The following TPPP variants were observed in gnomAD, a reference collection of about 807,000 sequenced individuals.
The protein encoded by TPPP is tubulin polymerization-promoting protein.
Under a neutral mutation model 15.5 loss-of-function variants are expected in TPPP, and 6 were observed. The ratio of observed to expected loss-of-function variants is 0.39; its 90% CI spans 0.21 to 0.77. The LOEUF (loss-of-function observed/expected upper bound fraction) is 0.77. TPPP is among the 30% of genes least tolerant of loss of function. The probability of loss-of-function intolerance (pLI) is 0.42; values close to 1 mark genes in which losing one functional copy is unlikely to be tolerated. For synonymous variants in TPPP, 146 were observed against 133.9 expected (o/e 1.09, Z -0.63); for missense variants, 269 against 307.2 (o/e 0.88, Z 0.93).
chr5:660,123 G>A lies in TPPP; in HGVS notation c.*4979C>T, dbSNP rs1246319830. 6.6e-6 allele frequency: 1 copy of A among 152,102 alleles called. No individual in the cohort carries two copies. Among genetic ancestry groups the A allele is most frequent in the African/African-American group, 2.4e-5 (1 of 41,376 alleles). 9.4% of individuals were successfully genotyped at this position (152,102 alleles called of 1,614,324 possible). On this transcript the variant is annotated 3_prime_UTR_variant, in exon 4 of 4. Transcript: ENST00000360578. ...CTTTCAGAGTCAGAACAGCCATGAC[G>A]TGGACATCACCCGTCACACTGATAA...
upstream of TPPP, among the ~76,000 whole-genome samples, chr5:697,420 A>C (rs414204): frequency 0.58 from 86,889 of 149,984 alleles, 23,417 homozygotes; most frequent in Middle Eastern, 0.67. Context: ...GCGTGCTGGG[A>C]AGAAAAGATG....
At chr5:697,560 G>GC (rs2126921133), upstream of TPPP, among the ~76,000 whole-genome samples, 1 of 152,170 alleles carries the variant, frequency 6.6e-6, no homozygotes, top group Non-Finnish European at 1.5e-5. Flanking sequence ...GGCAAGGGCA[G>GC]CCCTGGGTGT....
At chr5:683,271 G>C (rs1740676285) in intron 1 of TPPP, among the ~76,000 whole-genome samples, 1 of 129,564 alleles carries the variant, frequency 7.7e-6, no homozygotes, top group South Asian at 2.5e-4. Flanking sequence ...GCCCGAGGGA[G>C]AACCTGTCTC....
rs1260113346 is a variant in TPPP at position 672,265 on chromosome 5, A to G, written c.311+5485T>C. On this transcript the variant is annotated intron_variant, in intron 2 of 3. Transcript: ENST00000360578. ...CACGCTCGGGGCAACCGCAGACCCCAGGGAGCCTGGCCCTGCTGTTCTCAG... is the reference window on the plus strand; with the variant it reads ...CACGCTCGGGGCAACCGCAGACCCCGGGGAGCCTGGCCCTGCTGTTCTCAG... 2.0e-5 allele frequency among the ~76,000 whole-genome samples: 3 copies of G among 152,160 alleles called. No homozygotes were observed. The East Asian group carries it at 5.8e-4, about 29-fold the overall frequency.
chr5:673,827 G>A (rs115240305), intron 2 of TPPP, among the ~76,000 whole-genome samples: 3,414 of 152,298 alleles, frequency 0.022, 59 homozygotes, highest in Non-Finnish European at 0.035. Flanking sequence ...GGGCTCCTCC[G>A]GCCTCCTGGG....
At chr5:684,893 C>T (rs550910525) in intron 1 of TPPP, among the ~76,000 whole-genome samples, 1 of 152,314 alleles carries the variant, frequency 6.6e-6, no homozygotes, top group East Asian at 1.9e-4. Flanking sequence ...GTGCACATCC[C>T]CCTGCAGCAC....
Position 666,085 on chromosome 5 carries a change from T to C in TPPP, c.350A>G (p.Gln117Arg), listed in dbSNP as rs1330708729. 1.2e-6 allele frequency: 2 copies of C among 1,612,302 alleles called. No homozygotes were observed. Among genetic ancestry groups the C allele is most frequent in the East Asian group, 2.2e-5 (1 of 44,798 alleles). ...SCRTITFEQFQEALEELAKKR... is the reference protein window; with the variant it reads ...SCRTITFEQFREALEELAKKR... ...CTTGGCGAGCTCCTCCAGCGCCTCC[T>C]GGAACTGCTCAAAGGTGATGGTCCG... is the stretch of plus-strand genomic sequence containing the variant. The change falls in exon 3 of 4, where the codon CAG becomes CGG. Residue 117 changes from glutamine to arginine, a missense_variant. Transcript: ENST00000360578.
chr5:683,555 C>T (rs902460632), intron 1 of TPPP, among the ~76,000 whole-genome samples: 4 of 152,218 alleles, frequency 2.6e-5, no homozygotes, highest in African/African-American at 9.6e-5. Flanking sequence ...CCCTCTACCC[C>T]TGGAGACACT....
chr5:677,547 G>A (rs436539), intron 2 of TPPP, among the ~76,000 whole-genome samples: 85,240 of 151,788 alleles, frequency 0.56, 26,361 homozygotes, highest in African/African-American at 0.84. Context: ...CGAGAAGTCC[G>A]GCAATGCCCG....
intron 1 of TPPP, among the ~76,000 whole-genome samples, chr5:691,809 C>T (rs191464021): frequency 4.7e-3 from 421 of 89,874 alleles, no homozygotes; most frequent in African/African-American, 0.015. Flanking sequence ...CTCATCAAAA[C>T]AGCAGCCCTC....
upstream of TPPP, among the ~76,000 whole-genome samples, chr5:693,668 C>T (rs1394448819): frequency 1.3e-5 from 2 of 149,128 alleles, no homozygotes; most frequent in African/African-American, 2.6e-5. Flanking sequence ...GGCTCTGGGG[C>T]CCCCCGGGGA....
Position 683,435 on chromosome 5 carries a change from G to A in TPPP, c.-4-5371C>T, listed in dbSNP as rs531446472. 1.7e-3 allele frequency among the ~76,000 whole-genome samples: 256 copies of A among 152,314 alleles called. 1 individual carries two copies. The highest frequency in any genetic ancestry group is 5.8e-3 in the African/African-American group (242 of 41,572). ...TAACTCAGGTTCCCAGGAGCCCCGCGTGCTTCTGCCTGGCAGGAGCCGATG... is the reference window on the plus strand; with the variant it reads ...TAACTCAGGTTCCCAGGAGCCCCGCATGCTTCTGCCTGGCAGGAGCCGATG... On this transcript the variant is annotated intron_variant, in intron 1 of 3. Coordinates refer to ENST00000360578, the MANE Select transcript of TPPP (RefSeq NM_007030.3).
At chr5:668,739 C>T (rs1740063644) in intron 2 of TPPP, among the ~76,000 whole-genome samples, 1 of 152,246 alleles carries the variant, frequency 6.6e-6, no homozygotes, top group Non-Finnish European at 1.5e-5. Flanking sequence ...CAAATGTTTA[C>T]CACTGTTCTG....
chr5:682,666 G>C (rs1482323268), intron 1 of TPPP, among the ~76,000 whole-genome samples: 2 of 152,230 alleles, frequency 1.3e-5, no homozygotes, highest in Non-Finnish European at 2.9e-5. Flanking sequence ...CCTGTAACTA[G>C]GGCCTGGGGT....
In TPPP at chr5:662,517, C is replaced by T. The variant is rs1689679; in HGVS notation, c.*2585G>A. 100,346 of 152,350 alleles carry T rather than the reference C, an allele frequency of 0.66. 34,219 individuals are homozygous for T. The highest frequency in any genetic ancestry group is 0.85 in the African/African-American group (35,168 of 41,524). 9.4% of individuals were successfully genotyped at this position (152,350 alleles called of 1,614,324 possible). ...GAGGACCCGCGGACCCCAACCCGCC[C>T]TTCCCTCCGTCCTGACCCGGCGCCA... On this transcript the variant is annotated 3_prime_UTR_variant, in exon 4 of 4. Coordinates refer to ENST00000360578, the MANE Select transcript of TPPP (RefSeq NM_007030.3).
chr5:669,474 C>T (rs1468714968), intron 2 of TPPP, among the ~76,000 whole-genome samples: 2 of 152,142 alleles, frequency 1.3e-5, no homozygotes, highest in Admixed American at 6.5e-5. Context: ...GGTGTTGACT[C>T]TCTGGGGCCC....
intron 1 of TPPP, among the ~76,000 whole-genome samples, chr5:688,382 C>T (rs566129267): frequency 6.1e-3 from 888 of 144,496 alleles, no homozygotes; most frequent in African/African-American, 0.021. Context: ...GCAGTGTGGA[C>T]GGACCACTCG....
At chr5:678,890 C>T (rs1579191577) in intron 1 of TPPP, among the ~76,000 whole-genome samples, 1 of 152,180 alleles carries the variant, frequency 6.6e-6, no homozygotes, top group African/African-American at 2.4e-5. Flanking sequence ...GCAGGGCTGC[C>T]GAGGCCACCT....
chr5:671,812 G>A (rs1163186618), intron 2 of TPPP, among the ~76,000 whole-genome samples: 4 of 151,334 alleles, frequency 2.6e-5, no homozygotes, highest in East Asian at 3.8e-4. Flanking sequence ...CAGAGCCGCC[G>A]AGTGCAAGCC....
Sources: allele counts gnomAD v4.1 joint callset (sites outside exome capture counted in the v4.1 genomes callset), GRCh38; gene constraint gnomAD v4.1.1; transcripts MANE v1.5; gene names NCBI Gene and HGNC (gene_info 2026-07-23, HGNC 2026-07-21).